The following LUZP2 variants were observed in gnomAD, a reference collection of about 807,000 sequenced individuals.
LUZP2 encodes the protein leucine zipper protein 2.
In LUZP2, 52 loss-of-function variants were observed where a neutral mutation model predicts 51.6. That is an observed-to-expected ratio of 1.01 (90% CI 0.81 to 1.27). The LOEUF (loss-of-function observed/expected upper bound fraction) is 1.27, where lower values mean the gene tolerates loss of function less well. Ranked by LOEUF, LUZP2 falls within the 50% of genes most tolerant of loss-of-function variation. The pLI is 0.00. For synonymous variants in LUZP2, 154 were observed against 137.3 expected (o/e 1.12, Z -0.85); for missense variants, 436 against 395.4 (o/e 1.10, Z -0.87).
intron 1 of LUZP2, among the ~76,000 whole-genome samples, chr11:24,632,375 G>A (rs1001538815): frequency 7.2e-5 from 11 of 151,964 alleles, no homozygotes; most frequent in Admixed American, 1.3e-4. Context: ...TAGAGCAAAT[G>A]TCACCTAGAA....
At chr11:24,749,129 A>G (rs1456905647) in intron 4 of LUZP2, among the ~76,000 whole-genome samples, 1 of 152,226 alleles carries the variant, frequency 6.6e-6, no homozygotes, top group Non-Finnish European at 1.5e-5. Flanking sequence ...GTATTACTAT[A>G]GAAACAGCTT....
chr11:24,708,435 T>G (rs1220082057), intron 1 of LUZP2, among the ~76,000 whole-genome samples: 1 of 152,158 alleles, frequency 6.6e-6, no homozygotes, highest in Non-Finnish European at 1.5e-5. Context: ...TCTCCCCACA[T>G]TTTTAACAAA....
At chr11:24,756,159 A>G (rs998135706) in intron 4 of LUZP2, among the ~76,000 whole-genome samples, 1 of 152,198 alleles carries the variant, frequency 6.6e-6, no homozygotes, top group African/African-American at 2.4e-5. Flanking sequence ...CCTGAAAGCC[A>G]CATCTTCTCC....
At chr11:24,506,205 C>T (rs1345922412) in intron 1 of LUZP2, among the ~76,000 whole-genome samples, 3 of 152,024 alleles carry the variant, frequency 2.0e-5, no homozygotes, top group Non-Finnish European at 4.4e-5. Context: ...TGGAATGTAG[C>T]GTGCTTGGAA....
chr11:24,710,951 A>AGGAG (rs572351124), intron 1 of LUZP2, among the ~76,000 whole-genome samples: 1 of 132,654 alleles, frequency 7.5e-6, no homozygotes, highest in African/African-American at 2.8e-5. Flanking sequence ...AAGGAAGGAA[A>AGGAG]GGAGGGAGGG....
Position 24,994,159 on chromosome 11 carries a change from C to CTTTT in LUZP2, c.765+10881_765+10884dup, listed in dbSNP as rs58939086. On this transcript the variant is annotated intron_variant, in intron 9 of 11. Coordinates refer to ENST00000336930, the MANE Select transcript of LUZP2 (RefSeq NM_001009909.4). ...CAGGCTTGAGCCACTGCACCTGGCC[C>CTTTT]TTTTTTTTTTTTTTTTTTGGCACTT... Among the ~76,000 whole-genome samples the CTTTT allele has an allele frequency of 1.1e-3, 136 of 127,634 alleles. 3 individuals are homozygous for CTTTT. The highest frequency in any genetic ancestry group is 3.5e-3 in the African/African-American group (118 of 33,498). 83.7% of individuals were successfully genotyped at this position (127,634 alleles called of 152,430 possible). A position where few individuals can be genotyped will look rare whatever the true frequency, so the allele number is the denominator to read the frequency against.
At chr11:24,520,466 G>A (rs1357487783) in intron 1 of LUZP2, among the ~76,000 whole-genome samples, 1 of 152,182 alleles carries the variant, frequency 6.6e-6, no homozygotes, top group Non-Finnish European at 1.5e-5. Flanking sequence ...CACATATAAT[G>A]AAAAGGTTGT....
intron 9 of LUZP2, among the ~76,000 whole-genome samples, chr11:25,012,939 T>C (rs1857025489): frequency 6.6e-6 from 1 of 152,148 alleles, no homozygotes; most frequent in Non-Finnish European, 1.5e-5. Flanking sequence ...TATGCAGCAC[T>C]CTTCACAATA....
chr11:24,812,888 T>A (rs1295805764), intron 5 of LUZP2, among the ~76,000 whole-genome samples: 1 of 152,172 alleles, frequency 6.6e-6, no homozygotes, highest in Non-Finnish European at 1.5e-5. Context: ...CACATGGAAT[T>A]CTTAAGTACA....
chr11:24,566,999 AAT>A (rs201307469), intron 1 of LUZP2, among the ~76,000 whole-genome samples: 5 of 105,518 alleles, frequency 4.7e-5, no homozygotes, highest in South Asian at 2.7e-4. Context: ...TATATAAATG[AAT>A]ATATATATAT....
At chr11:24,600,456 T>C (rs1396219645) in intron 1 of LUZP2, among the ~76,000 whole-genome samples, 1 of 152,078 alleles carries the variant, frequency 6.6e-6, no homozygotes, top group Non-Finnish European at 1.5e-5. Context: ...TATGAAGCAA[T>C]AGGAAACTAA....
intron 1 of LUZP2, among the ~76,000 whole-genome samples, chr11:24,588,572 C>A (rs138923715): frequency 2.0e-5 from 3 of 151,890 alleles, no homozygotes; most frequent in Non-Finnish European, 4.4e-5. Flanking sequence ...AATAATTCAG[C>A]CTATTACCCA....
chr11:24,733,127 T>C (rs1202156885), intron 3 of LUZP2, among the ~76,000 whole-genome samples: 1 of 151,760 alleles, frequency 6.6e-6, no homozygotes, highest in Non-Finnish European at 1.5e-5. Flanking sequence ...CAAAACTCTA[T>C]TATTGACATG....
chr11:24,633,218 C>T (rs1854954178), intron 1 of LUZP2, among the ~76,000 whole-genome samples: 1 of 151,884 alleles, frequency 6.6e-6, no homozygotes, highest in African/African-American at 2.4e-5. Flanking sequence ...GAGTAGAGGA[C>T]ACATAAAAAT....
At chr11:24,551,916 T>G (rs985899585) in intron 1 of LUZP2, among the ~76,000 whole-genome samples, 1 of 151,818 alleles carries the variant, frequency 6.6e-6, no homozygotes, top group African/African-American at 2.4e-5. Flanking sequence ...CCATTAAACA[T>G]ACACACATAC....
At chr11:24,513,231 C>A (rs142927596) in intron 1 of LUZP2, among the ~76,000 whole-genome samples, 1 of 152,102 alleles carries the variant, frequency 6.6e-6, no homozygotes, top group Non-Finnish European at 1.5e-5. Context: ...ATTGTATTTG[C>A]TGACATGCAA....
intron 1 of LUZP2, among the ~76,000 whole-genome samples, chr11:24,616,521 T>C (rs1854296389): frequency 6.8e-6 from 1 of 147,744 alleles, no homozygotes; most frequent in South Asian, 2.1e-4. Flanking sequence ...GTTTTGACCA[T>C]GGATGTTCAA....
At chr11:24,739,344 T>C (rs1859052761) in intron 4 of LUZP2, among the ~76,000 whole-genome samples, 1 of 151,990 alleles carries the variant, frequency 6.6e-6, no homozygotes, top group South Asian at 2.1e-4. Context: ...TTAGGGCAAC[T>C]CCACAGTGGC....
At chr11:24,513,808 GTC>G (rs2133782594) in intron 1 of LUZP2, among the ~76,000 whole-genome samples, 1 of 152,268 alleles carries the variant, frequency 6.6e-6, no homozygotes, top group Non-Finnish European at 1.5e-5. Context: ...ACCACCTTTT[GTC>G]TCTCTTTGAC....
Sources: gnomAD v4.1 joint callset for allele counts (sites outside exome capture counted in the v4.1 genomes callset) on GRCh38, gnomAD v4.1.1 for gene constraint, MANE v1.5 for transcripts, NCBI Gene and HGNC (gene_info 2026-07-23, HGNC 2026-07-21) for gene names.